Variants in RXFP1 observed in about 807,000 individuals in gnomAD.
RXFP1 encodes relaxin family peptide receptor 1.
In RXFP1, 73 loss-of-function variants were observed where a neutral mutation model predicts 89.8. The observed-to-expected ratio is 0.81, with a 90% CI of 0.67 to 0.99. The LOEUF is 0.99. Among genes scored for constraint, RXFP1 ranks in the 50% least tolerant of loss-of-function variants. The probability of loss-of-function intolerance (pLI) is 0.00; values close to 1 mark genes in which losing one functional copy is unlikely to be tolerated. For synonymous variants in RXFP1, 277 were observed against 305.5 expected (o/e 0.91, Z 0.97); for missense variants, 793 against 895.5 (o/e 0.89, Z 1.46).
chr4:158,590,060 A>T (rs28691137), intron 2 of RXFP1, among the ~76,000 whole-genome samples: 39,608 of 151,550 alleles, frequency 0.26, 8,524 homozygotes, highest in African/African-American at 0.59. Flanking sequence ...TCAAAAAAAA[A>T]TTTTTTTAAT....
At chr4:158,612,483 A>G in intron 8 of RXFP1, 121 bp downstream of exon 8, 1 of 657,870 alleles carries the variant, frequency 1.5e-6, no homozygotes, top group East Asian at 2.8e-5. Context: ...CTTTTCAATG[A>G]AAAACCTTTT....
At position 158,646,800 on chromosome 4, in the gene RXFP1, G is replaced by C; in HGVS notation, c.1355G>C (p.Cys452Ser). 7 of 1,606,374 alleles carry C rather than the reference G, an allele frequency of 4.4e-6. No homozygotes were observed. The highest frequency in any genetic ancestry group is 4.3e-6 in the Non-Finnish European group (5 of 1,174,796). ...MSIISLCCAD[C>S]LMGIYLFVIG... is the part of the protein sequence containing the mutation. Reference sequence around the variant, plus strand: ...ACTATGACTCCTCTAGGTGCCGACTGCTTAATGGGAATATATTTATTCGTG... The same window carrying C: ...ACTATGACTCCTCTAGGTGCCGACTCCTTAATGGGAATATATTTATTCGTG... Residue 452 changes from cysteine to serine, a missense_variant, in exon 16 of 18, where the codon TGC becomes TCC. Coordinates refer to ENST00000307765, the MANE Select transcript of RXFP1 (RefSeq NM_021634.4).
rs1027632986 is a variant in RXFP1 at position 158,642,538 on chromosome 4, G to T, written c.1116-2371G>T. ...TAGCTTCCATATATGAGAACATGAG[G>T]TGTTTAACATTATTCCTGGCTTATT... On this transcript the variant is annotated intron_variant, in intron 14 of 17. Transcript: ENST00000307765. 2.0e-5 allele frequency among the ~76,000 whole-genome samples: 3 copies of T among 152,226 alleles called. No homozygotes were observed. The East Asian group carries it at 5.8e-4, about 29-fold the overall frequency.
intron 1 of RXFP1, among the ~76,000 whole-genome samples, chr4:158,536,611 G>A: frequency 6.6e-6 from 1 of 152,102 alleles, no homozygotes; most frequent in East Asian, 1.9e-4. Flanking sequence ...AGAGATACCT[G>A]ACTTAAAATA....
intron 6 of RXFP1, among the ~76,000 whole-genome samples, chr4:158,609,475 G>A (rs1441793483): frequency 6.6e-6 from 1 of 152,154 alleles, no homozygotes; most frequent in East Asian, 1.9e-4. Flanking sequence ...AGAAGTAACT[G>A]GAAAGAAGTA....
intron 2 of RXFP1, among the ~76,000 whole-genome samples, chr4:158,587,941 A>G (rs1561073081): frequency 6.6e-6 from 1 of 152,184 alleles, no homozygotes. Flanking sequence ...AAAGTCTCTC[A>G]AAGAATTCTC....
At chr4:158,582,771 G>T (rs1757625885) in intron 2 of RXFP1, among the ~76,000 whole-genome samples, 1 of 152,142 alleles carries the variant, frequency 6.6e-6, no homozygotes, top group South Asian at 2.1e-4. Flanking sequence ...CCAGAGCCCA[G>T]AAACCAATAT....
At chr4:158,633,765 T>C (rs530022853) in intron 12 of RXFP1, among the ~76,000 whole-genome samples, 4 of 152,224 alleles carry the variant, frequency 2.6e-5, no homozygotes, top group African/African-American at 4.8e-5. Flanking sequence ...AGATACCTCA[T>C]AGAAGTAAAA....
chr4:158,565,211 C>A (rs1753307852), intron 1 of RXFP1, among the ~76,000 whole-genome samples: 1 of 152,152 alleles, frequency 6.6e-6, no homozygotes, highest in Non-Finnish European at 1.5e-5. Flanking sequence ...AAGCAAGCTT[C>A]TCTCACTGTC....
At chr4:158,650,843 T>G (rs1283057037) in intron 17 of RXFP1, among the ~76,000 whole-genome samples, 1 of 152,142 alleles carries the variant, frequency 6.6e-6, no homozygotes, top group African/African-American at 2.4e-5. Flanking sequence ...GGTGATAGTA[T>G]CTTACATTTT....
chr4:158,541,104 C>T (rs1746499883), intron 1 of RXFP1, among the ~76,000 whole-genome samples: 1 of 152,112 alleles, frequency 6.6e-6, no homozygotes, highest in African/African-American at 2.4e-5. Context: ...CATTCAGAGT[C>T]ATGCTTTTTG....
chr4:158,601,882 T>A (rs967777220), intron 4 of RXFP1, among the ~76,000 whole-genome samples: 1 of 152,230 alleles, frequency 6.6e-6, no homozygotes, highest in Non-Finnish European at 1.5e-5. Flanking sequence ...TTTTTCTAGC[T>A]TGATAAACAC....
At chr4:158,544,187 C>G (rs866596320) in intron 1 of RXFP1, 1 of 984,898 alleles carries the variant, frequency 1.0e-6, no homozygotes, top group African/African-American at 1.7e-5. Flanking sequence ...TCCAAATGAA[C>G]CGCAAGTCTG....
chr4:158,601,328 C>T (rs992075269), intron 4 of RXFP1, among the ~76,000 whole-genome samples: 1 of 151,936 alleles, frequency 6.6e-6, no homozygotes, highest in Non-Finnish European at 1.5e-5. Flanking sequence ...ACAGTATGAT[C>T]GGAGAATGAG....
At chr4:158,615,000 C>T (rs752214357) in intron 8 of RXFP1, among the ~76,000 whole-genome samples, 15 of 151,978 alleles carry the variant, frequency 9.9e-5, no homozygotes, top group Non-Finnish European at 2.1e-4. Flanking sequence ...GATGTGCTGT[C>T]ATTCAGACTT....
intron 4 of RXFP1, among the ~76,000 whole-genome samples, chr4:158,600,826 CA>C (rs35888310): frequency 1.9e-3 from 221 of 114,948 alleles, no homozygotes; most frequent in Non-Finnish European, 2.3e-3. Context: ...GACCCTGCCT[CA>C]AAAAAAAAAA....
chr4:158,577,183 G>A (rs1291508875), intron 2 of RXFP1, among the ~76,000 whole-genome samples: 1 of 152,086 alleles, frequency 6.6e-6, no homozygotes, highest in Non-Finnish European at 1.5e-5. Context: ...GGCTACAGGT[G>A]TGTGTTACCA....
intron 8 of RXFP1, among the ~76,000 whole-genome samples, chr4:158,616,813 A>G (rs1344383196): frequency 6.6e-6 from 1 of 151,594 alleles, no homozygotes; most frequent in East Asian, 1.9e-4. Flanking sequence ...AGCCTGGCTA[A>G]CATGGTGAAA....
At chr4:158,580,710 A>G (rs1370679692) in intron 2 of RXFP1, among the ~76,000 whole-genome samples, 2 of 152,182 alleles carry the variant, frequency 1.3e-5, no homozygotes, top group African/African-American at 4.8e-5. Context: ...TCTGTTAGTA[A>G]TAGTTTACTT....
Sources: gnomAD v4.1 joint callset for allele counts (sites outside exome capture counted in the v4.1 genomes callset) on GRCh38, gnomAD v4.1.1 for gene constraint, MANE v1.5 for transcripts, NCBI Gene and HGNC (gene_info 2026-07-23, HGNC 2026-07-21) for gene names.